ECPAS: variants seen among roughly 807,000 people sequenced by gnomAD.
ECPAS encodes the protein proteasome adapter and scaffold protein ECM29.
Under a neutral mutation model 255.1 loss-of-function variants are expected in ECPAS, and 70 were observed. The observed-to-expected ratio is 0.27, with a 90% CI of 0.23 to 0.33. ECPAS has a LOEUF of 0.33. ECPAS is among the 10% of genes least tolerant of loss of function. The pLI is 1.00. For missense variants in ECPAS, 1,817 were observed against 2,206.4 expected, an observed-to-expected ratio of 0.82 and a Z score of 3.54; for synonymous variants, 784 against 775.0, an observed-to-expected ratio of 1.01 and a Z score of -0.19.
chr9:111,363,649 G>T lies in ECPAS; in HGVS notation c.5319C>A (p.Thr1773=). The change falls in exon 49 of 50, where the codon ACC becomes ACA. Residue 1773 remains threonine, a synonymous_variant. Transcript: ENST00000684092. ...KSITYSLENK[T]YSSVRTEALS... is the part of the protein sequence containing the mutation. ...AAGCTTCTGTTCTCACAGATGAGTA[G>T]GTCTTATTTTCTAAAAAGAAATATC... 1 of 1,512,578 alleles carries T rather than the reference G, an allele frequency of 6.6e-7. No homozygotes were observed. The highest frequency in any genetic ancestry group is 1.2e-5 in the South Asian group (1 of 83,306). The allele number at this position is 1,512,578 out of a possible 1,614,324, so 93.7% of individuals were successfully genotyped here.
intron 24 of ECPAS, among the ~76,000 whole-genome samples, chr9:111,401,836 C>T (rs2098176522): frequency 6.6e-6 from 1 of 152,160 alleles, no homozygotes; most frequent in Admixed American, 6.5e-5. Flanking sequence ...CTATTCTGCC[C>T]GACCCTGCAG....
At chr9:111,443,706 C>T (rs142690483) in intron 4 of ECPAS, among the ~76,000 whole-genome samples, 1 of 152,186 alleles carries the variant, frequency 6.6e-6, no homozygotes, top group East Asian at 1.9e-4. Context: ...GACAAAATGA[C>T]GTCTGGACCA....
intron 17 of ECPAS, 60 bp downstream of exon 17, chr9:111,417,823 T>C (rs2098206525): frequency 4.2e-6 from 6 of 1,421,434 alleles, no homozygotes; most frequent in African/African-American, 1.5e-5. Flanking sequence ...ACTTTAAAGA[T>C]GTTTTTATTT....
At chr9:111,436,903 C>T (rs1440465839) in intron 7 of ECPAS, 37 bp downstream of exon 7, 1 of 1,524,218 alleles carries the variant, frequency 6.6e-7, no homozygotes, top group Non-Finnish European at 8.8e-7. Context: ...AAAGTGTCCA[C>T]AATCAACTAC....
At chr9:111,467,529 A>G (rs1047788665) in intron 2 of ECPAS, among the ~76,000 whole-genome samples, 1 of 152,164 alleles carries the variant, frequency 6.6e-6, no homozygotes, top group Non-Finnish European at 1.5e-5. Context: ...ATTTTCTACA[A>G]AAAATATTTT....
intron 24 of ECPAS, among the ~76,000 whole-genome samples, chr9:111,401,433 T>C (rs2098175930): frequency 6.6e-6 from 1 of 152,186 alleles, no homozygotes; most frequent in Non-Finnish European, 1.5e-5. Context: ...GATCACATGC[T>C]TCAAAGGGCA....
At chr9:111,462,765 C>CA (rs1447957728) in intron 2 of ECPAS, among the ~76,000 whole-genome samples, 1 of 118,998 alleles carries the variant, frequency 8.4e-6, no homozygotes, top group Non-Finnish European at 1.6e-5. Flanking sequence ...TTTTTTGAGA[C>CA]AGAGTTTCAC....
chr9:111,397,498 C>T (rs966164242), intron 24 of ECPAS, among the ~76,000 whole-genome samples: 2 of 152,186 alleles, frequency 1.3e-5, no homozygotes, highest in African/African-American at 4.8e-5. Flanking sequence ...AATATAAATT[C>T]TAGCTATCTC....
chr9:111,422,777 A>G (rs2098216091), intron 13 of ECPAS, among the ~76,000 whole-genome samples: 1 of 152,186 alleles, frequency 6.6e-6, no homozygotes, highest in South Asian at 2.1e-4. Context: ...AGGAAATCAC[A>G]TTGAGAAGAA....
chr9:111,440,716 A>G (rs1032381984), intron 5 of ECPAS, among the ~76,000 whole-genome samples, 195 bp from the exon 6 acceptor site: 2 of 152,186 alleles, frequency 1.3e-5, no homozygotes, highest in Non-Finnish European at 2.9e-5. Flanking sequence ...AGCTCAGTAT[A>G]TTGAGTGATG....
At chr9:111,378,850 G>C in intron 35 of ECPAS, 120 bp from the exon 36 acceptor site, 1 of 970,274 alleles carries the variant, frequency 1.0e-6, no homozygotes, top group Non-Finnish European at 1.4e-6. Context: ...CATGGTTGCA[G>C]AGCCTGGTCT....
At chr9:111,394,558 G>C (rs896403152) in intron 25 of ECPAS, among the ~76,000 whole-genome samples, 2 of 152,050 alleles carry the variant, frequency 1.3e-5, no homozygotes, top group African/African-American at 4.8e-5. Context: ...AATCTCTCTA[G>C]TGTCAGCAAT....
chr9:111,399,111 T>C (rs1193721066), intron 24 of ECPAS, among the ~76,000 whole-genome samples: 4 of 152,166 alleles, frequency 2.6e-5, no homozygotes, highest in Non-Finnish European at 5.9e-5. Flanking sequence ...GATGTGATTA[T>C]TAAGCATTGC....
chr9:111,462,040 T>C (rs980674509), intron 2 of ECPAS, among the ~76,000 whole-genome samples: 2 of 152,094 alleles, frequency 1.3e-5, no homozygotes, highest in Non-Finnish European at 2.9e-5. Context: ...AGCTACAAGA[T>C]GAGATTTGGA....
Position 111,468,129 on chromosome 9 carries a change from ATCAGAACAAGAC to A in ECPAS, c.22+4756_22+4767del, listed in dbSNP as rs560974083. On this transcript the variant is annotated intron_variant, in intron 2 of 49. Coordinates refer to ENST00000684092, the MANE Select transcript of ECPAS (RefSeq NM_001364929.1). ...CACGCCACTGCACTTCAGCCTGGGC[ATCAGAACAAGAC>A]TCAGCCTCAAAAAACAAAACAAAAC... 1.5e-3 allele frequency among the ~76,000 whole-genome samples: 236 copies of A among 152,262 alleles called. 1 individual carries two copies. The highest frequency in any genetic ancestry group is 5.5e-3 in the African/African-American group (229 of 41,554).
chr9:111,431,648 G>A (rs2098230225), intron 8 of ECPAS, among the ~76,000 whole-genome samples: 1 of 149,006 alleles, frequency 6.7e-6, no homozygotes, highest in Admixed American at 6.7e-5. Context: ...TAGCAATAAT[G>A]TAATCCTTCC....
At chr9:111,428,434 T>TA (rs1220248397) in intron 9 of ECPAS, among the ~76,000 whole-genome samples, 4 of 152,124 alleles carry the variant, frequency 2.6e-5, no homozygotes, top group African/African-American at 9.7e-5. Context: ...AACATTTTTA[T>TA]AAAAAATAAC....
chr9:111,372,280 G>A lies in ECPAS; in HGVS notation c.4528+149C>T, dbSNP rs16916012. On this transcript the variant is annotated intron_variant, in intron 42 of 49. Coordinates refer to ENST00000684092, the MANE Select transcript of ECPAS (RefSeq NM_001364929.1). Reference sequence around the variant, plus strand: ...GGATGGGTTCAAAACTAAATGGGATGAGCAATTTGGATGGGTTTAAAACTA... The same window carrying A: ...GGATGGGTTCAAAACTAAATGGGATAAGCAATTTGGATGGGTTTAAAACTA... 6.7e-6 allele frequency: 5 copies of A among 749,606 alleles called. No homozygotes were observed. In the South Asian group the frequency reaches 7.3e-5, roughly 11 times the overall value. The allele number at this position is 749,606 out of a possible 1,614,324, so 46.4% of individuals were successfully genotyped here. A position where few individuals can be genotyped will look rare whatever the true frequency, so the allele number is the denominator to read the frequency against.
chr9:111,400,001 G>T (rs534172791), intron 24 of ECPAS, among the ~76,000 whole-genome samples: 5 of 152,360 alleles, frequency 3.3e-5, no homozygotes, highest in African/African-American at 1.2e-4. Flanking sequence ...AGCTGCTGTG[G>T]CCACAGGAGT....
Sources: gnomAD v4.1 joint callset for allele counts (sites outside exome capture counted in the v4.1 genomes callset) on GRCh38, gnomAD v4.1.1 for gene constraint, MANE v1.5 for transcripts, NCBI Gene and HGNC (gene_info 2026-07-23, HGNC 2026-07-21) for gene names.